Variants in GDAP1 observed in about 807,000 individuals in gnomAD.
GDAP1 encodes ganglioside induced differentiation associated protein 1.
GDAP1 carries 34 observed loss-of-function variants against 40.1 expected under a neutral mutation model. That is an observed-to-expected ratio of 0.85 (90% CI 0.64 to 1.13). The LOEUF (loss-of-function observed/expected upper bound fraction) is 1.13. Among genes scored for constraint, GDAP1 ranks in the 50% most tolerant of loss-of-function variants. The pLI, the probability that GDAP1 is intolerant of heterozygous loss-of-function variation, is 0.00. For synonymous variants in GDAP1, 170 were observed against 157.4 expected (o/e 1.08, Z -0.60); for missense variants, 374 against 433.7 (o/e 0.86, Z 1.22).
At chr8:74,421,699 T>C (rs1018661190) in intron 2 of GDAP1, among the ~76,000 whole-genome samples, 2 of 152,144 alleles carry the variant, frequency 1.3e-5, no homozygotes, top group Admixed American at 6.5e-5. Flanking sequence ...AAGGGGAAAT[T>C]ATGTTGTCTC....
chr8:74,473,259 G>C (rs1426008208), intron 2 of GDAP1, among the ~76,000 whole-genome samples: 1 of 152,106 alleles, frequency 6.6e-6, no homozygotes, highest in African/African-American at 2.4e-5. Context: ...TGTTTACTCT[G>C]TTGATAGTTC....
chr8:74,476,683 G>A (rs930536991), intron 2 of GDAP1, among the ~76,000 whole-genome samples: 35 of 152,212 alleles, frequency 2.3e-4, no homozygotes, highest in African/African-American at 7.5e-4. Flanking sequence ...CTTTGTATAC[G>A]ACCTGTCCTT....
intron 3 of GDAP1, among the ~76,000 whole-genome samples, chr8:74,361,577 A>G (rs564281901): frequency 6.6e-6 from 1 of 152,138 alleles, no homozygotes; most frequent in Admixed American, 6.5e-5. Flanking sequence ...TTGTATTTTT[A>G]GTAGAGACGG....
chr8:74,459,382 C>G (rs578253497), intron 2 of GDAP1, among the ~76,000 whole-genome samples: 158 of 152,240 alleles, frequency 1.0e-3, no homozygotes, highest in African/African-American at 3.8e-3. Context: ...CTTGAGTGTG[C>G]ATAAGAATGA....
At chr8:74,400,152 T>C (rs1447998012) in intron 2 of GDAP1, among the ~76,000 whole-genome samples, 1 of 149,744 alleles carries the variant, frequency 6.7e-6, no homozygotes, top group Non-Finnish European at 1.5e-5. Flanking sequence ...CCGTGGGGTG[T>C]TAAAGTCTCC....
rs10755957 is a variant in GDAP1, at chr8:74,460,635, C to T, written c.166-28043C>T. ...GGCCTGCAGGGAGTAAAGGAGGGCC[C>T]AGTGGATAGGCAATGAAGTTCCTGC... On this transcript the variant is annotated intron_variant, in intron 2 of 2. Coordinates refer to the GDAP1 transcript ENST00000523640. Among the ~76,000 whole-genome samples, 84 of 152,206 alleles carry T rather than the reference C, an allele frequency of 5.5e-4. No individual in the cohort carries two copies. The South Asian group carries it at 0.017, about 31-fold the overall frequency.
chr8:74,429,371 C>G (rs973902831), intron 2 of GDAP1, among the ~76,000 whole-genome samples: 1 of 151,944 alleles, frequency 6.6e-6, no homozygotes, highest in South Asian at 2.1e-4. Context: ...CTTCTACAAA[C>G]AAGAATGAAA....
Position 74,396,895 on chromosome 8 carries a change from T to G in GDAP1, c.165+45574T>G, listed in dbSNP as rs376285305. Among the ~76,000 whole-genome samples the G allele has an allele frequency of 3.0e-3, 464 of 152,272 alleles. 2 individuals carry two copies. Among genetic ancestry groups the G allele is most frequent in the African/African-American group, 0.011 (444 of 41,548 alleles). ...CAGTAATGGGATGGCTGGGTCAAAT[T>G]GTATTTCCAGTTCTAGATCCCTGAG... On this transcript the variant is annotated intron_variant, in intron 2 of 2. Coordinates refer to the GDAP1 transcript ENST00000523640.
At chr8:74,465,262 G>A (rs372782461) in intron 2 of GDAP1, among the ~76,000 whole-genome samples, 14 of 151,974 alleles carry the variant, frequency 9.2e-5, no homozygotes, top group African/African-American at 1.7e-4. Context: ...AACCTAAGCC[G>A]TGCTATTCTG....
intron 2 of GDAP1, among the ~76,000 whole-genome samples, chr8:74,413,236 G>T (rs1185434078): frequency 6.7e-6 from 1 of 149,720 alleles, no homozygotes. Flanking sequence ...TATAAAATCT[G>T]GACAGAATGC....
chr8:74,465,022 C>T (rs1043281297), intron 2 of GDAP1, among the ~76,000 whole-genome samples: 1 of 152,046 alleles, frequency 6.6e-6, no homozygotes, highest in Non-Finnish European at 1.5e-5. Flanking sequence ...GAGTTCGAGA[C>T]CAGCCTGGGC....
intron 2 of GDAP1, among the ~76,000 whole-genome samples, chr8:74,468,563 C>T (rs886094318): frequency 2.7e-5 from 4 of 150,726 alleles, no homozygotes; most frequent in African/African-American, 9.8e-5. Flanking sequence ...ATATAGGTTG[C>T]TAATTGCTAA....
At chr8:74,412,735 A>G (rs890036953) in intron 2 of GDAP1, among the ~76,000 whole-genome samples, 1 of 149,828 alleles carries the variant, frequency 6.7e-6, no homozygotes, top group Non-Finnish European at 1.5e-5. Flanking sequence ...TAAACATTTT[A>G]TGTAACATGC....
chr8:74,381,778 A>C (rs75769899), intron 2 of GDAP1, among the ~76,000 whole-genome samples: 1 of 144,776 alleles, frequency 6.9e-6, no homozygotes, highest in Non-Finnish European at 1.5e-5. Context: ...AAAAAAAAAA[A>C]GTAAGTACAT....
intron 2 of GDAP1, among the ~76,000 whole-genome samples, chr8:74,424,281 C>T (rs1276698301): frequency 1.3e-5 from 2 of 152,034 alleles, no homozygotes; most frequent in Non-Finnish European, 2.9e-5. Context: ...CACAGTTTTT[C>T]CCCAAATATT....
At chr8:74,447,254 A>G (rs1266596076) in intron 2 of GDAP1, among the ~76,000 whole-genome samples, 1 of 151,980 alleles carries the variant, frequency 6.6e-6, no homozygotes, top group Admixed American at 6.6e-5. Flanking sequence ...TCAATCAATA[A>G]TTTTTTTCCA....
At position 74,350,448 on chromosome 8, in the gene GDAP1, T is replaced by C; in HGVS notation, c.-14T>C. On this transcript the variant is annotated 5_prime_UTR_variant, in exon 1 of 6. Coordinates refer to ENST00000220822, the MANE Select transcript of GDAP1 (RefSeq NM_018972.4). ...GCGGACAGGCTGGGCGCACCCGTGC[T>C]CGCGCACCCCAAGATGGCTGAGAGG... The C allele has an allele frequency of 6.5e-7, 1 of 1,545,164 alleles. No homozygotes were observed. Among genetic ancestry groups the C allele is most frequent in the African/African-American group, 1.4e-5 (1 of 73,696 alleles).
At position 74,401,982 on chromosome 8, in the gene GDAP1, AG is replaced by A. The variant is rs1255096039; in HGVS notation, c.165+50663del. On this transcript the variant is annotated intron_variant, in intron 2 of 2. Transcript: ENST00000523640. ...CCCCTACTAGGGGTGCCTCCCAGTT[AG>A]GCTGCTCAGGGGTCAGGGGTCAGGG... Among the ~76,000 whole-genome samples, 3 of 150,260 alleles carry A rather than the reference AG, an allele frequency of 2.0e-5. No homozygotes were observed. The East Asian group carries it at 5.8e-4, about 29-fold the overall frequency.
intron 2 of GDAP1, among the ~76,000 whole-genome samples, chr8:74,477,702 C>G (rs562866425): frequency 6.6e-6 from 1 of 152,248 alleles, no homozygotes; most frequent in African/African-American, 2.4e-5. Context: ...TCACAACACT[C>G]TAATGGGTGG....
Sources: gnomAD v4.1 joint callset for allele counts (sites outside exome capture counted in the v4.1 genomes callset) on GRCh38, gnomAD v4.1.1 for gene constraint, MANE v1.5 for transcripts, NCBI Gene and HGNC (gene_info 2026-07-23, HGNC 2026-07-21) for gene names.